NCKAP1: variants seen among roughly 807,000 people sequenced by gnomAD.
NCKAP1 encodes the protein nck-associated protein 1.
NCKAP1 carries 21 observed loss-of-function variants against 151.2 expected under a neutral mutation model. The ratio of observed to expected loss-of-function variants is 0.14; its 90% CI spans 0.10 to 0.20. The LOEUF (loss-of-function observed/expected upper bound fraction) is 0.20, where lower values mean the gene tolerates loss of function less well. Ranked by LOEUF, NCKAP1 falls within the 10% of genes least tolerant of loss-of-function variation. The pLI, the probability that NCKAP1 is intolerant of heterozygous loss-of-function variation, is 1.00. For missense variants in NCKAP1, 933 were observed against 1,352.1 expected, an observed-to-expected ratio of 0.69 and a Z score of 4.86; for synonymous variants, 484 against 451.8, an observed-to-expected ratio of 1.07 and a Z score of -0.90.
At chr2:182,927,404 C>A (rs1475843571) in intron 29 of NCKAP1, 2 of 151,998 alleles carry the variant, frequency 1.3e-5, no homozygotes, top group African/African-American at 2.4e-5. Context: ...CAAGTTAGTA[C>A]TATATTTGCA....
chr2:182,933,613 G>T (rs1430344659), intron 26 of NCKAP1, among the ~76,000 whole-genome samples: 1 of 151,806 alleles, frequency 6.6e-6, no homozygotes, highest in African/African-American at 2.4e-5. Flanking sequence ...GGCTGGTCTC[G>T]AACTCCTGAC....
At position 183,038,018 on chromosome 2, in the gene NCKAP1, G is replaced by T; in HGVS notation, c.82C>A (p.Leu28Ile). 1.3e-6 allele frequency: 2 copies of T among 1,579,980 alleles called. No homozygotes were observed. The highest frequency in any genetic ancestry group is 1.7e-6 in the Non-Finnish European group (2 of 1,170,462). ...TILNDRGVGM[L>I]TRLYNIKKAC... Reference sequence around the variant, plus strand: ...TTCTTGATGTTGTAGAGGCGGGTGAGCATGCCGACGCCCCGGTCGTTGAGG... The same window carrying T: ...TTCTTGATGTTGTAGAGGCGGGTGATCATGCCGACGCCCCGGTCGTTGAGG... The change falls in exon 1 of 31, where the codon CTC (leucine) becomes ATC (isoleucine). Residue 28 changes from leucine (L) to isoleucine (I), a missense_variant. By Grantham distance (5) the Leu-to-Ile change is conservative (BLOSUM62 2). Coordinates refer to ENST00000361354, the MANE Select transcript of NCKAP1 (RefSeq NM_013436.5).
intron 15 of NCKAP1, among the ~76,000 whole-genome samples, chr2:182,968,291 A>C (rs996482786): frequency 2.0e-5 from 3 of 152,208 alleles, no homozygotes; most frequent in African/African-American, 7.2e-5. Flanking sequence ...CGGCATTACA[A>C]TGGTCTGGTT....
intron 26 of NCKAP1, 83 bp from the exon 27 acceptor site, chr2:182,930,871 G>T: frequency 8.4e-7 from 1 of 1,188,046 alleles, no homozygotes; most frequent in Non-Finnish European, 1.2e-6. Context: ...AGTCTGCCTA[G>T]AAGAACACCA....
rs1696425764 is a variant in NCKAP1, at chr2:182,913,494, C to T, written c.*12208G>A. On this transcript the variant is annotated 3_prime_UTR_variant, in exon 31 of 31. Transcript: ENST00000361354. ...TGGCTCTCTCTGGTGAATCCCACCC[C>T]CACACCATGTGATGCTCTGTGTTAC... 6.5e-6 allele frequency: 1 copy of T among 152,934 alleles called. No homozygotes were observed. The highest frequency in any genetic ancestry group is 2.1e-4 in the South Asian group (1 of 4,834). The allele number at this position is 152,934 out of a possible 1,614,324, so 9.5% of individuals were successfully genotyped here. A position where few individuals can be genotyped will look rare whatever the true frequency, so the allele number is the denominator to read the frequency against.
chr2:183,001,856 G>A (rs1024250809), intron 6 of NCKAP1, 97 bp downstream of exon 6: 4 of 993,564 alleles, frequency 4.0e-6, no homozygotes, highest in Admixed American at 2.2e-5. Flanking sequence ...TCCCATTATA[G>A]TATTTTTCAA....
intron 1 of NCKAP1, among the ~76,000 whole-genome samples, chr2:183,028,529 A>G (rs971685465): frequency 5.3e-5 from 8 of 152,214 alleles, no homozygotes; most frequent in African/African-American, 1.7e-4. Context: ...CATAGTAATT[A>G]AAACCCTTGT....
chr2:182,983,078 A>C (rs1697973677), intron 11 of NCKAP1, 151 bp from the exon 12 acceptor site: 1 of 703,156 alleles, frequency 1.4e-6, no homozygotes, highest in Non-Finnish European at 2.4e-6. Context: ...GAGAACCTGT[A>C]AGTATGTATG....
At chr2:182,977,079 G>A in intron 14 of NCKAP1, 128 bp from the exon 15 acceptor site, 2 of 519,576 alleles carry the variant, frequency 3.8e-6, no homozygotes, top group Non-Finnish European at 6.4e-6. Flanking sequence ...TTAAAGCCAA[G>A]GTCTTAAAGA....
chr2:182,977,288 G>C (rs1480488100), intron 14 of NCKAP1, among the ~76,000 whole-genome samples: 1 of 152,090 alleles, frequency 6.6e-6, no homozygotes, highest in African/African-American at 2.4e-5. Context: ...TCAGGAGTTT[G>C]AGACTAGCCT....
intron 2 of NCKAP1, among the ~76,000 whole-genome samples, chr2:183,006,527 C>T (rs903012202): frequency 2.0e-5 from 3 of 152,172 alleles, no homozygotes; most frequent in African/African-American, 7.2e-5. Context: ...ACAATCCTCT[C>T]AATATCTCTA....
chr2:183,015,696 T>C (rs1483538620), intron 2 of NCKAP1, among the ~76,000 whole-genome samples: 1 of 151,766 alleles, frequency 6.6e-6, no homozygotes, highest in African/African-American at 2.4e-5. Flanking sequence ...AGTGTGACAA[T>C]GGAATAAAGA....
At chr2:182,936,548 T>C (rs1160337804) in intron 24 of NCKAP1, among the ~76,000 whole-genome samples, 1 of 152,180 alleles carries the variant, frequency 6.6e-6, no homozygotes, top group Non-Finnish European at 1.5e-5. Context: ...AAGAGATGTA[T>C]ATACTACAGT....
At chr2:182,941,850 T>C (rs372775956) in intron 24 of NCKAP1, among the ~76,000 whole-genome samples, 8 of 152,266 alleles carry the variant, frequency 5.3e-5, no homozygotes, top group Non-Finnish European at 1.2e-4. Flanking sequence ...TAGCGACACA[T>C]AGTAGACTAA....
chr2:182,913,879 A>C lies in NCKAP1; in HGVS notation c.*11823T>G, dbSNP rs1462462472. On this transcript the variant is annotated 3_prime_UTR_variant, in exon 31 of 31. Transcript: ENST00000361354. ...CCCCACAGCCTGTGGAAATACAGGA[A>C]ACTTCACAATGGTGCACAGTCCATA... The C allele has an allele frequency of 6.6e-6, 1 of 152,258 alleles. No homozygotes were observed. The highest frequency in any genetic ancestry group is 6.5e-5 in the Admixed American group (1 of 15,282). 9.4% of individuals were successfully genotyped at this position (152,258 alleles called of 1,614,324 possible). A position where few individuals can be genotyped will look rare whatever the true frequency, so the allele number is the denominator to read the frequency against.
chr2:183,020,911 G>T (rs779199197), intron 2 of NCKAP1, among the ~76,000 whole-genome samples: 1 of 150,528 alleles, frequency 6.6e-6, no homozygotes, highest in Non-Finnish European at 1.5e-5. Flanking sequence ...TCAAAACTGA[G>T]ATCACAAGAC....
chr2:183,021,051 T>A (rs1698789006), intron 2 of NCKAP1, among the ~76,000 whole-genome samples: 2 of 152,164 alleles, frequency 1.3e-5, no homozygotes, highest in Admixed American at 1.3e-4. Context: ...ATACTACAAG[T>A]AAGTCATAAC....
At chr2:182,981,630 C>CG (rs1697940634) in intron 12 of NCKAP1, among the ~76,000 whole-genome samples, 1 of 151,774 alleles carries the variant, frequency 6.6e-6, no homozygotes. Flanking sequence ...TAAGCAGGGC[C>CG]GGGCACAGTG....
chr2:182,928,342 G>C (rs1407725140), intron 28 of NCKAP1, 116 bp from the exon 29 acceptor site: 3 of 677,414 alleles, frequency 4.4e-6, no homozygotes, highest in Admixed American at 3.2e-5. Flanking sequence ...GAGTAGAGTT[G>C]GGACATGACC....
Sources: allele counts gnomAD v4.1 joint callset (sites outside exome capture counted in the v4.1 genomes callset), GRCh38; gene constraint gnomAD v4.1.1; transcripts MANE v1.5; gene names NCBI Gene and HGNC (gene_info 2026-07-23, HGNC 2026-07-21).